GPR39: variants seen among roughly 807,000 people sequenced by gnomAD.
GPR39 encodes the protein zinc sensing receptor.
In GPR39, 23 loss-of-function variants were observed where a neutral mutation model predicts 18.4. The observed-to-expected ratio is 1.25, with a 90% CI of 0.90 to 1.77. The LOEUF (loss-of-function observed/expected upper bound fraction) is 1.77, where lower values mean the gene tolerates loss of function less well. GPR39 is among the 40% of genes most tolerant of loss of function. The pLI is 0.00. For synonymous variants in GPR39, 280 were observed against 257.9 expected (o/e 1.09, Z -0.82); for missense variants, 647 against 602.4 (o/e 1.07, Z -0.78).
chr2:132,434,954 G>T lies in GPR39; in HGVS notation c.856+17056G>T, dbSNP rs141676344. 2.8e-4 allele frequency among the ~76,000 whole-genome samples: 42 copies of T among 152,238 alleles called. No homozygotes were observed. In the East Asian group the frequency reaches 7.2e-3, roughly 26 times the overall value. ...CGGAGATGAGTGCTTCCAAATCAAC[G>T]CCAGATGACGAGGAAGATGACATAA... On this transcript the variant is annotated intron_variant, in intron 1 of 1. Transcript: ENST00000329321.
chr2:132,523,359 C>T (rs534519241), intron 1 of GPR39, among the ~76,000 whole-genome samples: 30 of 152,256 alleles, frequency 2.0e-4, no homozygotes, highest in African/African-American at 7.0e-4. Context: ...AAATTGAATT[C>T]TGATGGTTAA....
intron 1 of GPR39, among the ~76,000 whole-genome samples, chr2:132,619,824 G>GAC (rs1164411706): frequency 7.9e-6 from 1 of 127,334 alleles, no homozygotes; most frequent in Admixed American, 7.7e-5. Context: ...CACAGACACA[G>GAC]ACACAGACAC....
chr2:132,458,781 G>T (rs1680781657), intron 1 of GPR39, among the ~76,000 whole-genome samples: 1 of 151,926 alleles, frequency 6.6e-6, no homozygotes, highest in African/African-American at 2.4e-5. Flanking sequence ...TTTCTTCACT[G>T]CAGTGTTTTG....
chr2:132,566,362 T>C (rs1458782414), intron 1 of GPR39, among the ~76,000 whole-genome samples: 1 of 151,376 alleles, frequency 6.6e-6, no homozygotes, highest in Non-Finnish European at 1.5e-5. Context: ...GCCTGTTCAC[T>C]CTGATGGTAG....
At chr2:132,499,001 T>A (rs1282346546) in intron 1 of GPR39, among the ~76,000 whole-genome samples, 2 of 152,212 alleles carry the variant, frequency 1.3e-5, no homozygotes, top group Admixed American at 1.3e-4. Context: ...TTTCCCACTC[T>A]GTGGGTTGTC....
chr2:132,541,707 C>T (rs1340339473), intron 1 of GPR39, among the ~76,000 whole-genome samples: 1 of 152,092 alleles, frequency 6.6e-6, no homozygotes, highest in African/African-American at 2.4e-5. Context: ...TGCCACGGCC[C>T]CCTGTGCAGG....
intron 1 of GPR39, among the ~76,000 whole-genome samples, chr2:132,555,499 C>T (rs987984589): frequency 5.9e-5 from 9 of 152,142 alleles, no homozygotes; most frequent in African/African-American, 2.2e-4. Flanking sequence ...GGTGCTGGGG[C>T]TACTGGTGTC....
At chr2:132,538,677 C>A (rs148335759) in intron 1 of GPR39, among the ~76,000 whole-genome samples, 1 of 152,186 alleles carries the variant, frequency 6.6e-6, no homozygotes, top group Non-Finnish European at 1.5e-5. Flanking sequence ...CATCCCTCCC[C>A]CCGGGTGCTC....
chr2:132,645,872 T>C lies in GPR39; in HGVS notation c.*266T>C. The C allele has an allele frequency of 1.5e-6, 1 of 659,358 alleles. No individual in the cohort carries two copies. The highest frequency in any genetic ancestry group is 2.5e-6 in the Non-Finnish European group (1 of 395,294). The allele number at this position is 659,358 out of a possible 1,614,324, so 40.8% of individuals were successfully genotyped here. ...GAAAATTCAGTCAGGCTGAATTTATTCAGAATGCTTTACCGAGCTCTTTCA... is the reference window on the plus strand; with the variant it reads ...GAAAATTCAGTCAGGCTGAATTTATCCAGAATGCTTTACCGAGCTCTTTCA... On this transcript the variant is annotated 3_prime_UTR_variant, in exon 2 of 2. Transcript: ENST00000329321.
intron 1 of GPR39, among the ~76,000 whole-genome samples, chr2:132,515,700 G>A (rs949369125): frequency 2.0e-5 from 3 of 152,116 alleles, no homozygotes; most frequent in Non-Finnish European, 4.4e-5. Flanking sequence ...ACCTAAGAAT[G>A]TCACTCTCTG....
chr2:132,435,810 T>A (rs1335620945), intron 1 of GPR39, among the ~76,000 whole-genome samples: 1 of 152,160 alleles, frequency 6.6e-6, no homozygotes, highest in African/African-American at 2.4e-5. Flanking sequence ...CCCATAGACA[T>A]AAGACATGAA....
At chr2:132,458,879 C>T (rs1380414036) in intron 1 of GPR39, among the ~76,000 whole-genome samples, 1 of 146,286 alleles carries the variant, frequency 6.8e-6, no homozygotes, top group Non-Finnish European at 1.5e-5. Flanking sequence ...CTCTCCTCCC[C>T]AACTCATGTG....
intron 1 of GPR39, among the ~76,000 whole-genome samples, chr2:132,504,917 AT>A (rs1401710793): frequency 6.6e-6 from 1 of 152,206 alleles, no homozygotes; most frequent in East Asian, 1.9e-4. Context: ...TTGGAGTTAG[AT>A]TTCTTCAGCA....
At chr2:132,530,251 A>G (rs1679590245) in intron 1 of GPR39, among the ~76,000 whole-genome samples, 1 of 152,230 alleles carries the variant, frequency 6.6e-6, no homozygotes, top group Admixed American at 6.5e-5. Context: ...AAGAAAGGGT[A>G]TCAGTGATGG....
At position 132,645,947 on chromosome 2, in the gene GPR39, A is replaced by G; in HGVS notation, c.*341A>G. 1 of 906,356 alleles carries G rather than the reference A, an allele frequency of 1.1e-6. No homozygotes were observed. The highest frequency in any genetic ancestry group is 1.6e-6 in the Non-Finnish European group (1 of 607,178). The allele number at this position is 906,356 out of a possible 1,614,324, so 56.1% of individuals were successfully genotyped here. ...ACACGGACTCCCGCTCCCTACCCAGAATAAAAGGACACCCAGAAGAAACTC... is the reference window on the plus strand; with the variant it reads ...ACACGGACTCCCGCTCCCTACCCAGGATAAAAGGACACCCAGAAGAAACTC... On this transcript the variant is annotated 3_prime_UTR_variant, in exon 2 of 2. Coordinates refer to ENST00000329321, the MANE Select transcript of GPR39 (RefSeq NM_001508.3).
chr2:132,531,715 A>G (rs564023429), intron 1 of GPR39, among the ~76,000 whole-genome samples: 1 of 152,352 alleles, frequency 6.6e-6, no homozygotes, highest in East Asian at 1.9e-4. Context: ...CTGCTCAACT[A>G]CATGGAAACT....
At chr2:132,436,771 G>A (rs1360261259) in intron 1 of GPR39, among the ~76,000 whole-genome samples, 1 of 152,158 alleles carries the variant, frequency 6.6e-6, no homozygotes, top group Non-Finnish European at 1.5e-5. Context: ...TGGTGCTTCT[G>A]CTCGGTCCAT....
chr2:132,464,218 A>G (rs889497671), intron 1 of GPR39, among the ~76,000 whole-genome samples: 1 of 152,248 alleles, frequency 6.6e-6, no homozygotes, highest in African/African-American at 2.4e-5. Flanking sequence ...ACACTGAGCC[A>G]TCATCTGGAT....
At chr2:132,481,248 A>C (rs1399162730) in intron 1 of GPR39, among the ~76,000 whole-genome samples, 1 of 152,158 alleles carries the variant, frequency 6.6e-6, no homozygotes, top group Non-Finnish European at 1.5e-5. Context: ...TCGGTGCTCT[A>C]TAAGGTCATC....
Sources: allele counts gnomAD v4.1 joint callset (sites outside exome capture counted in the v4.1 genomes callset), GRCh38; gene constraint gnomAD v4.1.1; transcripts MANE v1.5; gene names NCBI Gene and HGNC (gene_info 2026-07-23, HGNC 2026-07-21).